The following MCTP2 variants were observed in gnomAD, a reference collection of about 807,000 sequenced individuals.
MCTP2 encodes multiple C2 and transmembrane domain containing 2, also known as multiple C2 and transmembrane domain-containing protein 2.
In MCTP2, 132 loss-of-function variants were observed where a neutral mutation model predicts 111.6. The observed-to-expected ratio is 1.18, with a 90% CI of 1.03 to 1.37. The LOEUF (loss-of-function observed/expected upper bound fraction) is 1.37. MCTP2 is among the 40% of genes most tolerant of loss of function. The probability of loss-of-function intolerance (pLI) is 0.00; values close to 1 mark genes in which losing one functional copy is unlikely to be tolerated. For synonymous variants in MCTP2, 395 were observed against 387.7 expected, an observed-to-expected ratio of 1.02 and a Z score of -0.22; for missense variants, 1,183 against 1,067.9, an observed-to-expected ratio of 1.11 and a Z score of -1.50.
At chr15:94,428,925 G>A (rs1449497474) in intron 17 of MCTP2, among the ~76,000 whole-genome samples, 1 of 151,250 alleles carries the variant, frequency 6.6e-6, no homozygotes, top group African/African-American at 2.4e-5. Context: ...GGTAAGCATG[G>A]CTCCAAAAAA....
intron 1 of MCTP2, among the ~76,000 whole-genome samples, chr15:94,245,253 T>C (rs1163664014): frequency 2.1e-5 from 3 of 141,166 alleles, no homozygotes; most frequent in Admixed American, 7.1e-5. Flanking sequence ...TACACATATG[T>C]ATATATACAT....
chr15:94,309,159 C>T (rs895868082), intron 2 of MCTP2, among the ~76,000 whole-genome samples: 1 of 152,178 alleles, frequency 6.6e-6, no homozygotes, highest in East Asian at 1.9e-4. Context: ...CCTCTCATTG[C>T]CATGTAGCTC....
chr15:94,417,848 G>A (rs1337963361), intron 17 of MCTP2, among the ~76,000 whole-genome samples: 1 of 152,084 alleles, frequency 6.6e-6, no homozygotes, highest in African/African-American at 2.4e-5. Context: ...AATCACTATT[G>A]GAGGGTTCCT....
intron 21 of MCTP2, 47 bp downstream of exon 21, chr15:94,470,489 A>G: frequency 8.2e-7 from 1 of 1,220,294 alleles, no homozygotes; most frequent in Non-Finnish European, 1.2e-6. Flanking sequence ...CCAGGTAAGA[A>G]CCAATTACTC....
intron 2 of MCTP2, among the ~76,000 whole-genome samples, chr15:94,313,240 C>T (rs1292221097): frequency 6.6e-6 from 1 of 152,194 alleles, no homozygotes; most frequent in Admixed American, 6.5e-5. Flanking sequence ...CAGCTGTCCT[C>T]ACATTCAGCC....
At chr15:94,242,925 A>G (rs1243701323) in intron 1 of MCTP2, among the ~76,000 whole-genome samples, 1 of 142,376 alleles carries the variant, frequency 7.0e-6, no homozygotes, top group Admixed American at 6.8e-5. Context: ...ATACACGTAC[A>G]CATATACACG....
chr15:94,432,777 C>T (rs978758761), intron 17 of MCTP2, among the ~76,000 whole-genome samples: 1 of 152,148 alleles, frequency 6.6e-6, no homozygotes, highest in African/African-American at 2.4e-5. Context: ...TGGCTGTTTC[C>T]TAATCTCAAA....
chr15:94,404,730 T>C (rs899515068), intron 17 of MCTP2, among the ~76,000 whole-genome samples: 3 of 151,806 alleles, frequency 2.0e-5, no homozygotes, highest in African/African-American at 7.3e-5. Flanking sequence ...GGGGACTGGA[T>C]TGGCGGGGCG....
At chr15:94,245,462 A>G (rs1290897543) in intron 1 of MCTP2, among the ~76,000 whole-genome samples, 1 of 139,826 alleles carries the variant, frequency 7.2e-6, no homozygotes, top group East Asian at 2.1e-4. Context: ...ATATGTATTT[A>G]TATACATATA....
intron 17 of MCTP2, chr15:94,402,643 G>T: frequency 6.5e-7 from 1 of 1,543,718 alleles, no homozygotes. Flanking sequence ...ATCTTGGAAG[G>T]ACTTCACAGC....
At chr15:94,401,619 G>A (rs1205919331) in intron 16 of MCTP2, among the ~76,000 whole-genome samples, 1 of 151,878 alleles carries the variant, frequency 6.6e-6, no homozygotes, top group Admixed American at 6.6e-5. Flanking sequence ...TAAATACCTG[G>A]CTTCTGCAGT....
At chr15:94,433,805 A>C (rs2083315473) in intron 17 of MCTP2, among the ~76,000 whole-genome samples, 1 of 152,176 alleles carries the variant, frequency 6.6e-6, no homozygotes. Flanking sequence ...ATACATGTGA[A>C]ATCAGATTTC....
intron 1 of MCTP2, among the ~76,000 whole-genome samples, chr15:94,290,136 T>C (rs1298135615): frequency 6.6e-6 from 1 of 151,502 alleles, no homozygotes; most frequent in Non-Finnish European, 1.5e-5. Flanking sequence ...AGAAATGGAT[T>C]CTCAACTAGA....
intron 19 of MCTP2, among the ~76,000 whole-genome samples, chr15:94,451,783 T>C (rs1010946422): frequency 3.3e-5 from 5 of 152,186 alleles, no homozygotes; most frequent in Non-Finnish European, 4.4e-5. Flanking sequence ...TTCATACAAC[T>C]CAGGGCAACA....
chr15:94,320,813 A>G (rs1398251805), intron 4 of MCTP2, among the ~76,000 whole-genome samples: 5 of 152,214 alleles, frequency 3.3e-5, no homozygotes, highest in South Asian at 2.1e-4. Flanking sequence ...ATGGAAGCAC[A>G]AAAATTGAAT....
At chr15:94,255,165 A>G (rs1193508911) in intron 1 of MCTP2, among the ~76,000 whole-genome samples, 1 of 152,214 alleles carries the variant, frequency 6.6e-6, no homozygotes, top group Non-Finnish European at 1.5e-5. Context: ...TCATATAACT[A>G]TACCCCAATT....
chr15:94,384,661 G>C (rs2080351395), intron 13 of MCTP2, among the ~76,000 whole-genome samples: 1 of 152,220 alleles, frequency 6.6e-6, no homozygotes, highest in South Asian at 2.1e-4. Flanking sequence ...CCTGAACATT[G>C]AGGGGAGGCC....
chr15:94,375,897 T>G (rs2079745326), intron 12 of MCTP2, among the ~76,000 whole-genome samples: 1 of 152,268 alleles, frequency 6.6e-6, no homozygotes, highest in South Asian at 2.1e-4. Flanking sequence ...GAGAACCCAA[T>G]ATAGCTTCCT....
At chr15:94,431,804 C>T (rs772885564) in intron 17 of MCTP2, among the ~76,000 whole-genome samples, 22 of 152,044 alleles carry the variant, frequency 1.4e-4, no homozygotes, top group Non-Finnish European at 2.9e-4. Flanking sequence ...ATGCCCTATA[C>T]AATAGGATGA....
Sources: allele counts gnomAD v4.1 joint callset (sites outside exome capture counted in the v4.1 genomes callset), GRCh38; gene constraint gnomAD v4.1.1; transcripts MANE v1.5; gene names NCBI Gene and HGNC (gene_info 2026-07-23, HGNC 2026-07-21).